The following PTPN4 variants were observed in gnomAD, a reference collection of about 807,000 sequenced individuals.
The protein encoded by PTPN4 is protein tyrosine phosphatase non-receptor type 4, also known as tyrosine-protein phosphatase non-receptor type 4.
In PTPN4, 49 loss-of-function variants were observed where a neutral mutation model predicts 135.5. The ratio of observed to expected loss-of-function variants is 0.36; its 90% CI spans 0.29 to 0.46. The LOEUF is 0.46. Ranked by LOEUF, PTPN4 falls within the 20% of genes least tolerant of loss-of-function variation. The pLI, the probability that PTPN4 is intolerant of heterozygous loss-of-function variation, is 1.00. For synonymous variants in PTPN4, 333 were observed against 369.9 expected (o/e 0.90, Z 1.14); for missense variants, 860 against 1,101.0 (o/e 0.78, Z 3.10).
chr2:119,907,937 T>C (rs542806197), intron 10 of PTPN4, among the ~76,000 whole-genome samples: 3 of 152,184 alleles, frequency 2.0e-5, no homozygotes, highest in South Asian at 4.1e-4. Context: ...TCTCAGTATA[T>C]AAAAAATCAG....
intron 2 of PTPN4, among the ~76,000 whole-genome samples, chr2:119,847,315 C>CACAT (rs1377379334): frequency 0.034 from 3,168 of 94,278 alleles, 74 homozygotes; most frequent in East Asian, 0.087. Context: ...CACACACACA[C>CACAT]ATATATATAT....
At chr2:119,904,695 A>G (rs1178085779) in intron 10 of PTPN4, among the ~76,000 whole-genome samples, 1 of 152,236 alleles carries the variant, frequency 6.6e-6, no homozygotes, top group Non-Finnish European at 1.5e-5. Context: ...CCAATGGCAG[A>G]TTCCTAATCA....
chr2:119,948,038 C>T (rs1679161615), intron 18 of PTPN4, among the ~76,000 whole-genome samples: 1 of 151,870 alleles, frequency 6.6e-6, no homozygotes. Context: ...GGGGACAAGA[C>T]CGGGGATATT....
At chr2:119,762,190 C>T (rs1690519229) in intron 1 of PTPN4, among the ~76,000 whole-genome samples, 1 of 151,964 alleles carries the variant, frequency 6.6e-6, no homozygotes. Context: ...CCAGTGTACA[C>T]TTCATTATTG....
chr2:119,817,098 A>G (rs914282751), intron 2 of PTPN4, among the ~76,000 whole-genome samples: 1 of 152,148 alleles, frequency 6.6e-6, no homozygotes. Flanking sequence ...TTTTGTTGCA[A>G]TTGCTTTTGT....
At chr2:119,841,464 CA>C (rs972600068) in intron 2 of PTPN4, among the ~76,000 whole-genome samples, 5 of 152,108 alleles carry the variant, frequency 3.3e-5, no homozygotes, top group African/African-American at 1.2e-4. Flanking sequence ...TTTTTACATA[CA>C]AAGAATCTTT....
At chr2:119,838,183 G>C (rs1450646461) in intron 2 of PTPN4, among the ~76,000 whole-genome samples, 1 of 152,032 alleles carries the variant, frequency 6.6e-6, no homozygotes, top group African/African-American at 2.4e-5. Flanking sequence ...TTCTTCAGTG[G>C]ATGATTTCTG....
chr2:119,784,401 T>TC (rs1384626668), intron 1 of PTPN4, among the ~76,000 whole-genome samples: 1 of 148,568 alleles, frequency 6.7e-6, no homozygotes, highest in African/African-American at 2.5e-5. Flanking sequence ...TTTTTTTTTT[T>TC]TTTGAGACAG....
chr2:119,984,419 G>A lies in PTPN4; in HGVS notation c.*7349G>A, dbSNP rs888670674. 2.6e-5 allele frequency among the ~76,000 whole-genome samples: 4 copies of A among 152,084 alleles called. No homozygotes were observed. The highest frequency in any genetic ancestry group is 4.8e-5 in the African/African-American group (2 of 41,410). On this transcript the variant is annotated 3_prime_UTR_variant, in exon 27 of 27. Coordinates refer to ENST00000263708, the MANE Select transcript of PTPN4 (RefSeq NM_002830.4). ...TTTCATGTTTGATTCTATTAAACTA[G>A]TGGCAAAACAGAATTGGTCCCTTAG...
At chr2:119,893,368 A>G (rs1678270471) in intron 9 of PTPN4, among the ~76,000 whole-genome samples, 1 of 152,240 alleles carries the variant, frequency 6.6e-6, no homozygotes. Flanking sequence ...AAGTTGGGAA[A>G]GACCTGGGAG....
chr2:119,835,841 G>A (rs1029604201), intron 2 of PTPN4, among the ~76,000 whole-genome samples: 5 of 152,026 alleles, frequency 3.3e-5, no homozygotes, highest in African/African-American at 7.2e-5. Context: ...AGGCCAAGGC[G>A]GGTGGATCAC....
chr2:119,792,241 C>T (rs1057044396), intron 1 of PTPN4, among the ~76,000 whole-genome samples: 1 of 152,180 alleles, frequency 6.6e-6, no homozygotes, highest in Non-Finnish European at 1.5e-5. Context: ...TATAGAACCA[C>T]TTATATAAAT....
At chr2:119,793,853 T>G (rs1335787511) in intron 1 of PTPN4, among the ~76,000 whole-genome samples, 1 of 125,904 alleles carries the variant, frequency 7.9e-6, no homozygotes, top group East Asian at 2.3e-4. Flanking sequence ...TTAGTTTTTT[T>G]TTTTTTTTTT....
At chr2:119,882,172 G>T in intron 7 of PTPN4, 23 bp downstream of exon 7, 2 of 1,580,606 alleles carry the variant, frequency 1.3e-6, no homozygotes, top group South Asian at 1.1e-5. Flanking sequence ...CCATTTTTAG[G>T]TCAAATAGCA....
chr2:119,849,470 T>G (rs750528840), intron 2 of PTPN4, among the ~76,000 whole-genome samples: 1 of 152,126 alleles, frequency 6.6e-6, no homozygotes, highest in Non-Finnish European at 1.5e-5. Context: ...CTGGCTAATT[T>G]TGTACTGTTT....
intron 13 of PTPN4, among the ~76,000 whole-genome samples, chr2:119,930,579 C>T (rs1678889819): frequency 6.6e-6 from 1 of 151,984 alleles, no homozygotes; most frequent in Non-Finnish European, 1.5e-5. Flanking sequence ...ATTCAGAGTC[C>T]TTATCATTAT....
chr2:119,780,228 G>A (rs1031863228), intron 1 of PTPN4, among the ~76,000 whole-genome samples: 1 of 152,082 alleles, frequency 6.6e-6, no homozygotes, highest in African/African-American at 2.4e-5. Context: ...ACTATTTGAG[G>A]ATTGCAGATA....
intron 3 of PTPN4, among the ~76,000 whole-genome samples, chr2:119,872,604 C>T (rs1677928960): frequency 6.6e-6 from 1 of 152,158 alleles, no homozygotes; most frequent in Non-Finnish European, 1.5e-5. Flanking sequence ...CACTTTCCCT[C>T]TCAAGCCTTT....
intron 2 of PTPN4, among the ~76,000 whole-genome samples, chr2:119,835,994 G>A (rs1285022915): frequency 8.6e-5 from 13 of 151,832 alleles, no homozygotes; most frequent in Non-Finnish European, 1.6e-4. Flanking sequence ...GTGTGAATCC[G>A]GGAGGCGGAG....
Sources: gnomAD v4.1 joint callset for allele counts (sites outside exome capture counted in the v4.1 genomes callset) on GRCh38, gnomAD v4.1.1 for gene constraint, MANE v1.5 for transcripts, NCBI Gene and HGNC (gene_info 2026-07-23, HGNC 2026-07-21) for gene names.